The following MTREX variants were observed in gnomAD, a reference collection of about 807,000 sequenced individuals.
MTREX encodes the protein exosome RNA helicase MTR4.
Under a neutral mutation model 135.4 loss-of-function variants are expected in MTREX, and 76 were observed. The observed-to-expected ratio is 0.56, with a 90% CI of 0.47 to 0.68. The LOEUF is 0.68. Ranked by LOEUF, MTREX falls within the 30% of genes least tolerant of loss-of-function variation. MTREX has a pLI of 0.00. For missense variants in MTREX, 920 were observed against 1,262.1 expected, an observed-to-expected ratio of 0.73 and a Z score of 4.11; for synonymous variants, 404 against 401.6, an observed-to-expected ratio of 1.01 and a Z score of -0.07.
At chr5:55,313,332 C>G (rs1192546025) in intron 1 of MTREX, among the ~76,000 whole-genome samples, 1 of 151,198 alleles carries the variant, frequency 6.6e-6, no homozygotes, top group Non-Finnish European at 1.5e-5. Context: ...CCCTCCTAGT[C>G]AGGAGGCTGA....
At chr5:55,418,040 C>T (rs965721920) in intron 25 of MTREX, among the ~76,000 whole-genome samples, 12 of 151,288 alleles carry the variant, frequency 7.9e-5, no homozygotes, top group East Asian at 1.9e-4. Flanking sequence ...CGAGACCATC[C>T]TGGCTAACAC....
intron 22 of MTREX, among the ~76,000 whole-genome samples, chr5:55,409,086 G>A (rs915953817): frequency 6.6e-6 from 1 of 151,958 alleles, no homozygotes; most frequent in Non-Finnish European, 1.5e-5. Flanking sequence ...TGAGTAGCTG[G>A]GACTACAGGC....
At chr5:55,352,745 A>G (rs1301064532) in intron 13 of MTREX, among the ~76,000 whole-genome samples, 1 of 152,220 alleles carries the variant, frequency 6.6e-6, no homozygotes, top group Non-Finnish European at 1.5e-5. Flanking sequence ...TGGTCTTAGA[A>G]GTGAATTACA....
intron 23 of MTREX, among the ~76,000 whole-genome samples, chr5:55,413,270 G>A (rs1239861798): frequency 3.3e-5 from 5 of 150,794 alleles, no homozygotes; most frequent in Non-Finnish European, 5.9e-5. Context: ...CCGGGAGGTG[G>A]AGGTTGCAGT....
chr5:55,326,873 G>A (rs773366471), intron 3 of MTREX, among the ~76,000 whole-genome samples: 9 of 151,962 alleles, frequency 5.9e-5, no homozygotes, highest in East Asian at 1.9e-4. Flanking sequence ...TACAGGCCCC[G>A]GTTTGTGATG....
chr5:55,321,488 C>A (rs1749289339), intron 1 of MTREX, among the ~76,000 whole-genome samples: 1 of 150,584 alleles, frequency 6.6e-6, no homozygotes, highest in African/African-American at 2.4e-5. Context: ...CTTCTAGATT[C>A]TTTGTTATTT....
intron 15 of MTREX, among the ~76,000 whole-genome samples, chr5:55,365,085 A>G (rs1750080364): frequency 6.6e-6 from 1 of 152,198 alleles, no homozygotes; most frequent in Admixed American, 6.5e-5. Context: ...GAGAATTTAC[A>G]TGGGTGTTTG....
chr5:55,415,922 G>A (rs766268510), intron 24 of MTREX, 48 bp from the exon 25 acceptor site: 2 of 1,339,160 alleles, frequency 1.5e-6, no homozygotes, highest in Non-Finnish European at 2.0e-6. Flanking sequence ...AGAATAAAGT[G>A]ATATGGGAGA....
intron 5 of MTREX, among the ~76,000 whole-genome samples, chr5:55,334,439 ACTC>A (rs772124848): frequency 6.6e-6 from 1 of 151,988 alleles, no homozygotes; most frequent in African/African-American, 2.4e-5. Context: ...CTTTAGGTAA[ACTC>A]CTACTTCACC....
At chr5:55,358,853 C>G (rs983356660) in intron 15 of MTREX, among the ~76,000 whole-genome samples, 155 bp downstream of exon 15, 3 of 152,180 alleles carry the variant, frequency 2.0e-5, no homozygotes, top group Non-Finnish European at 4.4e-5. Flanking sequence ...TGTGATTACT[C>G]AAAATACTAA....
intron 19 of MTREX, among the ~76,000 whole-genome samples, chr5:55,392,073 T>G (rs986130190): frequency 1.4e-4 from 22 of 152,210 alleles, no homozygotes; most frequent in African/African-American, 5.1e-4. Context: ...AATCGGAATT[T>G]TCCTGCACCC....
At chr5:55,343,021 G>T (rs1034053706) in intron 7 of MTREX, among the ~76,000 whole-genome samples, 8 of 152,180 alleles carry the variant, frequency 5.3e-5, no homozygotes, top group African/African-American at 9.7e-5. Context: ...TTTTCAATGT[G>T]CAGTAGAAAT....
At chr5:55,369,908 CTTTTTTCT>C (rs1253800440) in intron 16 of MTREX, among the ~76,000 whole-genome samples, 2 of 120,838 alleles carry the variant, frequency 1.7e-5, no homozygotes, top group South Asian at 2.5e-4. Flanking sequence ...TTTTTCTTTT[CTTTTTTCT>C]TTTTTTTTTT....
chr5:55,354,345 A>G (rs1749875848), intron 14 of MTREX, among the ~76,000 whole-genome samples: 1 of 152,230 alleles, frequency 6.6e-6, no homozygotes, highest in African/African-American at 2.4e-5. Context: ...CTAAGCAGAC[A>G]GTAGAATATT....
Position 55,424,714 on chromosome 5 carries a change from T to G in MTREX, c.3077-6T>G. On this transcript the variant is annotated splice_region_variant and splice_polypyrimidine_tract_variant and intron_variant, in intron 26 of 26. Coordinates refer to ENST00000230640, the MANE Select transcript of MTREX (RefSeq NM_015360.5). ...AAAGTTTAAACCTTACTTTCTTTTC[T>G]CTTAGGAATCACCAAAATCAAGAGA... is the stretch of plus-strand genomic sequence containing the variant. The G allele has an allele frequency of 6.2e-7, 1 of 1,608,308 alleles. No homozygotes were observed. Among genetic ancestry groups the G allele is most frequent in the South Asian group, 1.1e-5 (1 of 90,904 alleles).
At chr5:55,316,157 C>CA (rs1749195559) in intron 1 of MTREX, among the ~76,000 whole-genome samples, 1 of 151,820 alleles carries the variant, frequency 6.6e-6, no homozygotes, top group African/African-American at 2.4e-5. Context: ...GCCTACCCAC[C>CA]AAAAAAAGCC....
chr5:55,408,690 TC>T (rs1357667263), intron 22 of MTREX, among the ~76,000 whole-genome samples: 1 of 152,172 alleles, frequency 6.6e-6, no homozygotes, highest in Non-Finnish European at 1.5e-5. Flanking sequence ...TTGTAGTGTT[TC>T]TTTTTTAGCT....
At chr5:55,384,649 C>T (rs1432891070) in intron 18 of MTREX, among the ~76,000 whole-genome samples, 3 of 152,186 alleles carry the variant, frequency 2.0e-5, no homozygotes, top group African/African-American at 7.2e-5. Context: ...TTGCAGGCCA[C>T]TGTTGTTATT....
chr5:55,365,915 C>T (rs947375942), intron 15 of MTREX, among the ~76,000 whole-genome samples: 2 of 150,704 alleles, frequency 1.3e-5, no homozygotes, highest in Admixed American at 1.3e-4. Flanking sequence ...TGCTTGAACC[C>T]GGGAGGCAGA....
Sources: allele counts gnomAD v4.1 joint callset (sites outside exome capture counted in the v4.1 genomes callset), GRCh38; gene constraint gnomAD v4.1.1; transcripts MANE v1.5; gene names NCBI Gene and HGNC (gene_info 2026-07-23, HGNC 2026-07-21).